Variants in CHRNA1 observed in about 807,000 individuals in gnomAD.
CHRNA1 encodes the protein acetylcholine receptor subunit alpha.
A neutral mutation model predicts 47.1 loss-of-function variants in CHRNA1; 35 were observed. That is an observed-to-expected ratio of 0.74 (90% CI 0.57 to 0.99). The LOEUF (loss-of-function observed/expected upper bound fraction) is 0.99, where lower values mean the gene tolerates loss of function less well. Ranked by LOEUF, CHRNA1 falls within the 50% of genes least tolerant of loss-of-function variation. CHRNA1 has a pLI of 0.00. For synonymous variants in CHRNA1, 229 were observed against 223.6 expected (o/e 1.02, Z -0.22); for missense variants, 506 against 591.1 (o/e 0.86, Z 1.49).
chr2:174,764,366 A>C lies in CHRNA1; in HGVS notation c.29T>G (p.Phe10Cys). Residue 10 changes from phenylalanine to cysteine, a missense_variant, in exon 1 of 9, where the codon TTT becomes TGT. Transcript: ENST00000348749. Reference protein sequence around the residue: MEPWPLLLLFSLCSAGLVLG... With the variant: MEPWPLLLLCSLCSAGLVLG... Reference sequence around the variant, plus strand: ...CCAGCACTTACCTGAGCAAAGGCTAAAGAGCAGGAGGAGAGGCCAGGGCTC... The same window carrying C: ...CCAGCACTTACCTGAGCAAAGGCTACAGAGCAGGAGGAGAGGCCAGGGCTC... The C allele has an allele frequency of 6.2e-7, 1 of 1,613,562 alleles. No individual in the cohort carries two copies. The highest frequency in any genetic ancestry group is 8.5e-7 in the Non-Finnish European group (1 of 1,179,796).
At chr2:174,755,538 G>GC (rs1217310265) in intron 4 of CHRNA1, among the ~76,000 whole-genome samples, 5 of 151,552 alleles carry the variant, frequency 3.3e-5, no homozygotes, top group African/African-American at 1.2e-4. Flanking sequence ...TCCTGCCTCA[G>GC]CTCCCGAGTA....
chr2:174,759,675 C>T (rs754237841), intron 1 of CHRNA1, 42 bp from the exon 2 acceptor site: 1 of 1,608,042 alleles, frequency 6.2e-7, no homozygotes, highest in Non-Finnish European at 8.5e-7. Context: ...ATTCTTCTCC[C>T]CACCCTCCAA....
At position 174,748,599 on chromosome 2, in the gene CHRNA1, G is replaced by T; in HGVS notation, c.1223C>A (p.Ser408Ter). Residue 408 changes from serine to a stop codon, truncating the protein, a stop_gained, in exon 8 of 9, where the codon TCA becomes TAA. Transcript: ENST00000348749. LOFTEE classifies it high-confidence loss of function. ...GIKYIAETMK[S>*]DQESNNAAAE... is the part of the protein sequence containing the mutation. ...GCTTACATTGTTAGACTCCTGGTCT[G>T]ACTTCATGGTCTCTGCGATGTACTT... 1 of 1,613,012 alleles carries T rather than the reference G, an allele frequency of 6.2e-7. No homozygotes were observed. The highest frequency in any genetic ancestry group is 1.1e-5 in the South Asian group (1 of 91,030).
intron 4 of CHRNA1, among the ~76,000 whole-genome samples, chr2:174,756,242 A>G (rs1683978772): frequency 6.6e-6 from 1 of 152,186 alleles, no homozygotes; most frequent in African/African-American, 2.4e-5. Flanking sequence ...TCTTCCCGTA[A>G]ACAGCAGTCT....
At chr2:174,755,038 A>G (rs1683953363) in intron 4 of CHRNA1, among the ~76,000 whole-genome samples, 1 of 151,894 alleles carries the variant, frequency 6.6e-6, no homozygotes, top group African/African-American at 2.4e-5. Context: ...GGCACCCACC[A>G]AACACCCAGC....
At chr2:174,763,344 A>T (rs73030245) in intron 1 of CHRNA1, among the ~76,000 whole-genome samples, 2 of 152,126 alleles carry the variant, frequency 1.3e-5, no homozygotes, top group Non-Finnish European at 2.9e-5. Context: ...ACACACACAC[A>T]CACACACACA....
intron 7 of CHRNA1, 64 bp from the exon 8 acceptor site, chr2:174,748,883 C>G: frequency 1.3e-6 from 2 of 1,595,200 alleles, no homozygotes; most frequent in Non-Finnish European, 1.7e-6. Flanking sequence ...AAAACTCTGT[C>G]TTTGAATTAT....
chr2:174,755,860 C>T (rs1220531422), intron 4 of CHRNA1, among the ~76,000 whole-genome samples: 1 of 152,022 alleles, frequency 6.6e-6, no homozygotes, highest in Non-Finnish European at 1.5e-5. Flanking sequence ...ACAGCGAGAC[C>T]TCATCTCTAC....
In CHRNA1 at chr2:174,754,383, T is replaced by C. The variant is rs781376926; in HGVS notation, c.376A>G (p.Thr126Ala). ...ADGDFAIVKFTKVLLQYTGHI... is the reference protein window; with the variant it reads ...ADGDFAIVKFAKVLLQYTGHI... ...CCAGTGTACTGCAGGAGCACTTTGG[T>C]GAACTTGACAATAGCAAAGTCACCA... is the stretch of plus-strand genomic sequence containing the variant. The change falls in exon 5 of 9, where the codon ACC (threonine) becomes GCC (alanine). Residue 126 changes from threonine (T) to alanine (A), a missense_variant. Thr to Ala is a moderately conservative substitution (Grantham distance 58, BLOSUM62 0). Coordinates refer to ENST00000348749, the MANE Select transcript of CHRNA1 (RefSeq NM_000079.4). 22 of 1,614,008 alleles carry C rather than the reference T, an allele frequency of 1.4e-5. 1 individual carries two copies. The South Asian group carries it at 2.3e-4, about 17-fold the overall frequency.
chr2:174,762,002 T>C (rs375856605), intron 1 of CHRNA1, among the ~76,000 whole-genome samples: 2 of 152,302 alleles, frequency 1.3e-5, no homozygotes, highest in African/African-American at 4.8e-5. Context: ...GTCAGCATTA[T>C]GTAGCAGGAG....
At chr2:174,758,281 C>T (rs1464774014) in intron 3 of CHRNA1, among the ~76,000 whole-genome samples, 1 of 151,860 alleles carries the variant, frequency 6.6e-6, no homozygotes, top group Non-Finnish European at 1.5e-5. Context: ...TGGTGGTAGG[C>T]GCCTGTAGTC....
intron 1 of CHRNA1, among the ~76,000 whole-genome samples, chr2:174,763,702 G>C (rs548662391): frequency 5.3e-5 from 8 of 151,938 alleles, no homozygotes; most frequent in African/African-American, 1.9e-4. Context: ...GCTGTGCAAG[G>C]TTTTATAGTT....
rs1193323094 is a variant in CHRNA1, at chr2:174,748,263, AG to A, written c.1243-9del. The A allele has an allele frequency of 6.2e-7, 1 of 1,614,034 alleles. No homozygotes were observed. The highest frequency in any genetic ancestry group is 8.5e-7 in the Non-Finnish European group (1 of 1,180,030). On this transcript the variant is annotated splice_polypyrimidine_tract_variant and intron_variant, in intron 8 of 8. Coordinates refer to ENST00000348749, the MANE Select transcript of CHRNA1 (RefSeq NM_000079.4). Reference sequence around the variant, plus strand: ...CTTCCACTCTGCCGCCGCCTGGGAGAGAGGAAAATGTTAGACAGAGTCTCCC... The same window carrying A: ...CTTCCACTCTGCCGCCGCCTGGGAGAAGGAAAATGTTAGACAGAGTCTCCC...
At chr2:174,763,831 C>T (rs200183011) in intron 1 of CHRNA1, among the ~76,000 whole-genome samples, 1 of 136,304 alleles carries the variant, frequency 7.3e-6, no homozygotes, top group African/African-American at 2.7e-5. Flanking sequence ...AAATATTTGT[C>T]TCTGTGGAGA....
chr2:174,762,285 T>G (rs147710805), intron 1 of CHRNA1, among the ~76,000 whole-genome samples: 158 of 152,286 alleles, frequency 1.0e-3, no homozygotes, highest in African/African-American at 3.6e-3. Context: ...TCTTCCCAAC[T>G]CCCATATGGC....
intron 7 of CHRNA1, 74 bp from the exon 8 acceptor site, chr2:174,748,893 T>G: frequency 6.3e-7 from 1 of 1,584,250 alleles, no homozygotes; most frequent in Admixed American, 1.7e-5. Context: ...CTTTGAATTA[T>G]CAATGTGATT....
chr2:174,753,207 T>C (rs1454656756), intron 6 of CHRNA1: 11 of 601,824 alleles, frequency 1.8e-5, no homozygotes, highest in South Asian at 3.8e-5. Context: ...GGGCACACAG[T>C]TGGTATTCAG....
chr2:174,748,144 C>A lies in CHRNA1; in HGVS notation c.1354G>T (p.Glu452Ter). ...TCTGCTCATCCTTGCTGATTTAATT[C>A]AATGAGTCGACCTGCAAACACGGCT... is the stretch of plus-strand genomic sequence containing the variant. Reference protein sequence around the residue: ...TLAVFAGRLIELNQQG With the variant: ...TLAVFAGRLI Residue 452 changes from glutamate (E) to a stop codon, truncating the protein, a stop_gained, in exon 9 of 9, where the codon GAA becomes TAA. Transcript: ENST00000348749. LOFTEE classifies it high-confidence loss of function. 1 of 1,614,148 alleles carries A rather than the reference C, an allele frequency of 6.2e-7. No homozygotes were observed. The highest frequency in any genetic ancestry group is 1.1e-5 in the South Asian group (1 of 91,084).
At position 174,748,238 on chromosome 2, in the gene CHRNA1, C is replaced by T. The variant is rs757664426; in HGVS notation, c.1260G>A (p.Lys420=). The change falls in exon 9 of 9, where the codon AAG becomes AAA. Residue 420 remains lysine, a synonymous_variant. Transcript: ENST00000348749. ...TGTGGTCCATCACCATTGCAACGTA[C>T]TTCCACTCTGCCGCCGCCTGGGAGA... ...QESNNAAAEW[K]YVAMVMDHIL... The T allele has an allele frequency of 2.5e-6, 4 of 1,614,146 alleles. 1 individual carries two copies. In the South Asian group the frequency reaches 3.3e-5, roughly 13 times the overall value.
Sources: gnomAD v4.1 joint callset for allele counts (sites outside exome capture counted in the v4.1 genomes callset) on GRCh38, gnomAD v4.1.1 for gene constraint, MANE v1.5 for transcripts, NCBI Gene and HGNC (gene_info 2026-07-23, HGNC 2026-07-21) for gene names.